NELL1: variants seen among roughly 807,000 people sequenced by gnomAD.
NELL1 encodes neural EGFL like 1.
A neutral mutation model predicts 107.4 loss-of-function variants in NELL1; 76 were observed. That is an observed-to-expected ratio of 0.71 (90% CI 0.59 to 0.86). The LOEUF (loss-of-function observed/expected upper bound fraction) is 0.86. Among genes scored for constraint, NELL1 ranks in the 40% least tolerant of loss-of-function variants. The pLI is 0.00. For synonymous variants in NELL1, 353 were observed against 341.2 expected (o/e 1.03, Z -0.38); for missense variants, 1,024 against 1,005.5 (o/e 1.02, Z -0.25).
chr11:20,675,401 A>G (rs1458481682), intron 1 of NELL1, among the ~76,000 whole-genome samples: 1 of 152,162 alleles, frequency 6.6e-6, no homozygotes, highest in African/African-American at 2.4e-5. Flanking sequence ...TACTATCCCC[A>G]GATATGCATA....
intron 14 of NELL1, among the ~76,000 whole-genome samples, chr11:21,345,200 G>A (rs1850658473): frequency 6.6e-6 from 1 of 152,104 alleles, no homozygotes; most frequent in Non-Finnish European, 1.5e-5. Flanking sequence ...TTCTGCAAAG[G>A]AAGATTTAGG....
At chr11:20,699,625 TG>T (rs925851369) in intron 2 of NELL1, among the ~76,000 whole-genome samples, 64 of 152,334 alleles carry the variant, frequency 4.2e-4, no homozygotes, top group African/African-American at 1.5e-3. Context: ...CCCAAAGTGC[TG>T]GGATTACAGG....
rs145325076 is a variant in NELL1, at chr11:21,433,105, A to C, written c.1645+62157A>C. ...TTAGCTCCCATATATGAGTGAGAACATGTGATGCTAATCTTTCCATACCTG... is the reference window on the plus strand; with the variant it reads ...TTAGCTCCCATATATGAGTGAGAACCTGTGATGCTAATCTTTCCATACCTG... On this transcript the variant is annotated intron_variant, in intron 15 of 19. Transcript: ENST00000357134. Among the ~76,000 whole-genome samples, 263 of 152,226 alleles carry C rather than the reference A, an allele frequency of 1.7e-3. 1 individual carries two copies. Among genetic ancestry groups the C allele is most frequent in the Middle Eastern group, 6.8e-3 (2 of 294 alleles).
intron 5 of NELL1, among the ~76,000 whole-genome samples, chr11:20,903,355 A>G (rs1849920098): frequency 6.6e-6 from 1 of 152,082 alleles, no homozygotes; most frequent in Admixed American, 6.6e-5. Flanking sequence ...ATGAAGGGCA[A>G]TGACTGGTTC....
intron 2 of NELL1, among the ~76,000 whole-genome samples, chr11:20,742,604 A>T (rs1332737648): frequency 6.6e-6 from 1 of 152,188 alleles, no homozygotes; most frequent in African/African-American, 2.4e-5. Context: ...GTCATGTCTT[A>T]CATGACAGCA....
chr11:21,381,315 A>G (rs1276460664), intron 15 of NELL1, among the ~76,000 whole-genome samples: 1 of 151,976 alleles, frequency 6.6e-6, no homozygotes, highest in African/African-American at 2.4e-5. Flanking sequence ...TGAAGAGCAC[A>G]ATCTCTGAAG....
At chr11:21,157,378 C>T (rs1856267161) in intron 13 of NELL1, among the ~76,000 whole-genome samples, 2 of 152,054 alleles carry the variant, frequency 1.3e-5, no homozygotes, top group South Asian at 4.1e-4. Flanking sequence ...GAAAATTATA[C>T]AAGCATATTA....
intron 14 of NELL1, among the ~76,000 whole-genome samples, chr11:21,366,515 A>G (rs1590872829): frequency 6.6e-6 from 1 of 152,110 alleles, no homozygotes; most frequent in South Asian, 2.1e-4. Context: ...ACCTACTAAC[A>G]TGCTACCCAA....
chr11:21,218,729 A>G (rs1213200755), intron 13 of NELL1, among the ~76,000 whole-genome samples: 3 of 152,208 alleles, frequency 2.0e-5, no homozygotes, highest in Non-Finnish European at 4.4e-5. Flanking sequence ...AGTATGAGTG[A>G]GAATACATGG....
At position 21,145,486 on chromosome 11, in the gene NELL1, T is replaced by C. The variant is rs1239249980; in HGVS notation, c.1426+31772T>C. Among the ~76,000 whole-genome samples, 5 of 152,080 alleles carry C rather than the reference T, an allele frequency of 3.3e-5. No homozygotes were observed. The East Asian group carries it at 9.6e-4, about 29-fold the overall frequency. ...AATAATTGAGATAGAAAGATGTGGG[T>C]TGGTATTGTTTAAATTAACCAGATA... On this transcript the variant is annotated intron_variant, in intron 13 of 19. Transcript: ENST00000357134.
chr11:21,223,393 C>T (rs552900976), intron 13 of NELL1, among the ~76,000 whole-genome samples: 2 of 152,088 alleles, frequency 1.3e-5, no homozygotes, highest in South Asian at 4.2e-4. Context: ...CTTCTGCTCA[C>T]TTTTGATATC....
At chr11:20,964,182 A>G (rs1851344781) in intron 12 of NELL1, among the ~76,000 whole-genome samples, 1 of 152,062 alleles carries the variant, frequency 6.6e-6, no homozygotes, top group Admixed American at 6.6e-5. Context: ...TTCCTTTTTT[A>G]ATGACATTTT....
intron 16 of NELL1, among the ~76,000 whole-genome samples, chr11:21,553,896 A>G (rs1162426170): frequency 2.0e-5 from 3 of 151,918 alleles, no homozygotes; most frequent in Admixed American, 6.6e-5. Context: ...AAATTTTGTT[A>G]AAGACATTAA....
intron 16 of NELL1, among the ~76,000 whole-genome samples, chr11:21,558,638 AT>A (rs1856777773): frequency 6.6e-6 from 1 of 152,168 alleles, no homozygotes; most frequent in East Asian, 1.9e-4. Context: ...TGGGTTTAAA[AT>A]TTTTGGAAGA....
intron 3 of NELL1, among the ~76,000 whole-genome samples, chr11:20,802,940 T>G (rs1304384995): frequency 1.3e-5 from 2 of 152,246 alleles, no homozygotes; most frequent in Non-Finnish European, 2.9e-5. Flanking sequence ...ATGAATGATC[T>G]TTTTAATGTA....
At chr11:20,808,019 ATAGCCTGCTTGGTGCTC>A (rs1857421017) in intron 3 of NELL1, among the ~76,000 whole-genome samples, 1 of 152,166 alleles carries the variant, frequency 6.6e-6, no homozygotes, top group Non-Finnish European at 1.5e-5. Context: ...GGGGACCCCA[ATAGCCTGCTTGGTGCTC>A]TATCCCACTG....
intron 2 of NELL1, among the ~76,000 whole-genome samples, chr11:20,711,426 G>T (rs1855110682): frequency 6.6e-6 from 1 of 151,984 alleles, no homozygotes; most frequent in Admixed American, 6.6e-5. Context: ...TCATGTTGTT[G>T]CCTAAGTACC....
intron 14 of NELL1, among the ~76,000 whole-genome samples, chr11:21,257,037 T>A (rs1275178822): frequency 6.6e-6 from 1 of 151,968 alleles, no homozygotes; most frequent in East Asian, 1.9e-4. Context: ...GAAAATTAAT[T>A]TCCTAGCACT....
At chr11:21,016,407 A>G (rs1852564767) in intron 12 of NELL1, among the ~76,000 whole-genome samples, 1 of 151,940 alleles carries the variant, frequency 6.6e-6, no homozygotes, top group Admixed American at 6.6e-5. Context: ...TAGCTCCCCA[A>G]ACTCCCAAGC....
Sources: allele counts gnomAD v4.1 joint callset (sites outside exome capture counted in the v4.1 genomes callset), GRCh38; gene constraint gnomAD v4.1.1; transcripts MANE v1.5; gene names NCBI Gene and HGNC (gene_info 2026-07-23, HGNC 2026-07-21).